The following POGLUT2 variants were observed in gnomAD, a reference collection of about 807,000 sequenced individuals.
The protein encoded by POGLUT2 is protein O-glucosyltransferase 2.
Under a neutral mutation model 57.6 loss-of-function variants are expected in POGLUT2, and 47 were observed. That is an observed-to-expected ratio of 0.82 (90% CI 0.65 to 1.04). The LOEUF is 1.04. POGLUT2 is among the 50% of genes least tolerant of loss of function. The pLI, the probability that POGLUT2 is intolerant of heterozygous loss-of-function variation, is 0.00. For synonymous variants in POGLUT2, 200 were observed against 218.8 expected, an observed-to-expected ratio of 0.91 and a Z score of 0.76; for missense variants, 565 against 614.8, an observed-to-expected ratio of 0.92 and a Z score of 0.86.
chr13:102,796,700 ATAT>A (rs141011769), intron 2 of POGLUT2, 101 bp downstream of exon 2: 23,811 of 146,936 alleles, frequency 0.16, 2,034 homozygotes, highest in East Asian at 0.34. Flanking sequence ...AAAAAAAAAA[ATAT>A]ATATATATAT....
intron 1 of POGLUT2, among the ~76,000 whole-genome samples, chr13:102,797,741 T>TAA (rs1474615811): frequency 2.8e-5 from 4 of 144,014 alleles, no homozygotes; most frequent in African/African-American, 1.0e-4. Flanking sequence ...AACCCTGTCT[T>TAA]AAAAAAAAAA....
intron 2 of POGLUT2, among the ~76,000 whole-genome samples, chr13:102,794,644 G>T (rs1199145747): frequency 6.6e-6 from 1 of 152,128 alleles, no homozygotes; most frequent in Non-Finnish European, 1.5e-5. Context: ...CAGCTTGGGG[G>T]ACAGAGTGAG....
intron 4 of POGLUT2, among the ~76,000 whole-genome samples, chr13:102,792,801 T>G (rs1286097962): frequency 6.6e-6 from 1 of 152,108 alleles, no homozygotes; most frequent in African/African-American, 2.4e-5. Flanking sequence ...TTAATTTTTT[T>G]TGGGGGGGGA....
chr13:102,794,477 C>G (rs1213606638), intron 2 of POGLUT2, among the ~76,000 whole-genome samples: 1 of 152,002 alleles, frequency 6.6e-6, no homozygotes, highest in African/African-American at 2.4e-5. Context: ...GCCTGGCCAA[C>G]ATGTTGAAAC....
chr13:102,787,667 T>G (rs994975945), intron 8 of POGLUT2, among the ~76,000 whole-genome samples, 167 bp downstream of exon 8: 1 of 152,240 alleles, frequency 6.6e-6, no homozygotes, highest in African/African-American at 2.4e-5. Context: ...TCTTTGGTTT[T>G]CAACTATTTT....
At chr13:102,789,659 G>A (rs562067067) in intron 6 of POGLUT2, among the ~76,000 whole-genome samples, 20 of 152,260 alleles carry the variant, frequency 1.3e-4, no homozygotes, top group East Asian at 1.2e-3. Context: ...GTGTAGTGGC[G>A]TGATCTCAGC....
chr13:102,787,979 C>T (rs1372690828), intron 7 of POGLUT2, 56 bp from the exon 8 acceptor site: 5 of 1,000,102 alleles, frequency 5.0e-6, no homozygotes, highest in African/African-American at 3.2e-5. Context: ...CCCATGCAGG[C>T]ATCTGCAAAC....
chr13:102,796,702 A>G, intron 2 of POGLUT2, 102 bp downstream of exon 2: 1 of 127,560 alleles, frequency 7.8e-6, no homozygotes. Flanking sequence ...AAAAAAAAAT[A>G]TATATATATA....
At chr13:102,796,256 T>C (rs1736045915) in intron 2 of POGLUT2, among the ~76,000 whole-genome samples, 1 of 145,846 alleles carries the variant, frequency 6.9e-6, no homozygotes, top group African/African-American at 2.6e-5. Flanking sequence ...GACTGCGCCA[T>C]TGCACTCCAG....
chr13:102,798,584 C>T lies in POGLUT2; in HGVS notation c.87G>A (p.Pro29=), dbSNP rs754968715. The T allele has an allele frequency of 5.0e-6, 8 of 1,613,648 alleles. No homozygotes were observed. Among genetic ancestry groups the T allele is most frequent in the South Asian group, 1.1e-5 (1 of 91,006 alleles). The change falls in exon 1 of 10, where the codon CCG becomes CCA. Residue 29 remains proline, a synonymous_variant. Coordinates refer to ENST00000376004, the MANE Select transcript of POGLUT2 (RefSeq NM_024089.3). ...CGGGTCCCCATATTTCGCTCTTCTC[C>T]GGGCTCAGCTGCCTTTCTCCGCCGG... is the stretch of plus-strand genomic sequence containing the variant. ...AETGGERQLS[P]EKSEIWGPGL... is the part of the protein sequence containing the mutation.
At chr13:102,785,913 A>G (rs2139079062) in intron 9 of POGLUT2, among the ~76,000 whole-genome samples, 1 of 152,376 alleles carries the variant, frequency 6.6e-6, no homozygotes, top group South Asian at 2.1e-4. Flanking sequence ...AGATGAGGGC[A>G]TCAGATGATA....
At chr13:102,786,681 C>CT (rs895862385) in intron 8 of POGLUT2, among the ~76,000 whole-genome samples, 1 of 152,104 alleles carries the variant, frequency 6.6e-6, no homozygotes, top group Non-Finnish European at 1.5e-5. Flanking sequence ...TTCTGCTTTC[C>CT]TTATCATGGC....
At position 102,793,739 on chromosome 13, in the gene POGLUT2, G is replaced by A; in HGVS notation, c.456C>T (p.Asn152=). The change falls in exon 3 of 10, where the codon AAC becomes AAT. Residue 152 remains asparagine (N), a synonymous_variant. Transcript: ENST00000376004. ...QDSAAWLREM[N]CPETIAQIQR... ...GAATCTGAGCAATGGTTTCAGGGCAGTTCATCTCCCGTAGCCAGGCTGCAC... is the reference window on the plus strand; with the variant it reads ...GAATCTGAGCAATGGTTTCAGGGCAATTCATCTCCCGTAGCCAGGCTGCAC... The A allele has an allele frequency of 6.2e-7, 1 of 1,614,180 alleles. No individual in the cohort carries two copies.
rs745676579 is a variant in POGLUT2, at chr13:102,786,342, G to A, written c.1384-3C>T. 32 of 1,583,532 alleles carry A rather than the reference G, an allele frequency of 2.0e-5. No homozygotes were observed. The highest frequency in any genetic ancestry group is 2.7e-5 in the Non-Finnish European group (31 of 1,152,318). On this transcript the variant is annotated splice_region_variant and splice_polypyrimidine_tract_variant and intron_variant, in intron 8 of 9. Coordinates refer to ENST00000376004, the MANE Select transcript of POGLUT2 (RefSeq NM_024089.3). ...CTCACTTGTAAATTGGCATATTCCT[G>A]TTTAAGCAACAATATAAAAGCATTC...
intron 2 of POGLUT2, among the ~76,000 whole-genome samples, chr13:102,794,035 C>T (rs564985093): frequency 7.9e-5 from 12 of 151,056 alleles, no homozygotes; most frequent in African/African-American, 2.4e-4. Flanking sequence ...CCCAGGAGTT[C>T]GGGAGCAGCC....
Position 102,789,070 on chromosome 13 carries a change from T to C in POGLUT2, c.1235A>G (p.Lys412Arg). 1 of 1,614,212 alleles carries C rather than the reference T, an allele frequency of 6.2e-7. No individual in the cohort carries two copies. Among genetic ancestry groups the C allele is most frequent in the Middle Eastern group, 1.7e-4 (1 of 6,058 alleles). Residue 412 changes from lysine to arginine, a missense_variant, in exon 7 of 10, where the codon AAG (lysine) becomes AGG (arginine). Transcript: ENST00000376004. Reference sequence around the variant, plus strand: ...TTCTAGCAGATCGCTCAGGTTGCTCTTAACTGGAATGTAGTGTTTCCAGGG... The same window carrying C: ...TTCTAGCAGATCGCTCAGGTTGCTCCTAACTGGAATGTAGTGTTTCCAGGG... The part of the protein sequence containing the change: ...LQPWKHYIPV[K>R]SNLSDLLEKL...
chr13:102,793,478 G>A, intron 3 of POGLUT2, 60 bp from the exon 4 acceptor site: 2 of 1,328,704 alleles, frequency 1.5e-6, no homozygotes, highest in Non-Finnish European at 2.2e-6. Context: ...CTTCACTGAG[G>A]AAAAGCTTGT....
At chr13:102,786,990 T>C (rs1054181513) in intron 8 of POGLUT2, among the ~76,000 whole-genome samples, 5 of 152,104 alleles carry the variant, frequency 3.3e-5, no homozygotes, top group East Asian at 3.8e-4. Context: ...TTACTCTAGA[T>C]CTAGTACTGT....
intron 4 of POGLUT2, chr13:102,792,062 G>C: frequency 7.8e-7 from 1 of 1,288,846 alleles, no homozygotes; most frequent in South Asian, 1.2e-5. Flanking sequence ...GATTGACAAA[G>C]AGGAGCAAGA....
Sources: allele counts gnomAD v4.1 joint callset (sites outside exome capture counted in the v4.1 genomes callset), GRCh38; gene constraint gnomAD v4.1.1; transcripts MANE v1.5; gene names NCBI Gene and HGNC (gene_info 2026-07-23, HGNC 2026-07-21).